ACBD6: variants seen among roughly 807,000 people sequenced by gnomAD.
The protein encoded by ACBD6 is acyl-CoA binding domain containing 6.
In ACBD6, 28 loss-of-function variants were observed where a neutral mutation model predicts 37.2. The observed-to-expected ratio is 0.75, with a 90% CI of 0.56 to 1.03. ACBD6 has a LOEUF of 1.03. Among genes scored for constraint, ACBD6 ranks in the 50% least tolerant of loss-of-function variants. The pLI is 0.00. For missense variants in ACBD6, 340 were observed against 337.4 expected (o/e 1.01, Z -0.06); for synonymous variants, 113 against 126.8 (o/e 0.89, Z 0.73).
At chr1:180,422,054 G>A (rs921407431) in intron 4 of ACBD6, among the ~76,000 whole-genome samples, 5 of 152,020 alleles carry the variant, frequency 3.3e-5, no homozygotes, top group African/African-American at 1.2e-4. Flanking sequence ...TCAAATCATA[G>A]TAGAGTCTCT....
In ACBD6 at chr1:180,466,632, G is replaced by A. The variant is rs556857219; in HGVS notation, c.384+25637C>T. Reference sequence around the variant, plus strand: ...ATTTGTTTTATTATTAAAACAATTGGGATAAACTTCATTAAAATTTACCTT... The same window carrying A: ...ATTTGTTTTATTATTAAAACAATTGAGATAAACTTCATTAAAATTTACCTT... On this transcript the variant is annotated intron_variant, in intron 3 of 7. Transcript: ENST00000367595. Among the ~76,000 whole-genome samples, 3 of 152,088 alleles carry A rather than the reference G, an allele frequency of 2.0e-5. No homozygotes were observed. In the East Asian group the frequency reaches 5.8e-4, roughly 29 times the overall value.
intron 7 of ACBD6, among the ~76,000 whole-genome samples, chr1:180,294,701 G>GT (rs557914420): frequency 0.048 from 6,871 of 142,972 alleles, 211 homozygotes; most frequent in Non-Finnish European, 0.062. Flanking sequence ...TTTGCCTTTT[G>GT]TTTTTTTTTT....
At position 180,492,284 on chromosome 1, in the gene ACBD6, T is replaced by C. The variant is rs982549969; in HGVS notation, c.369A>G (p.Pro123=). 6.2e-7 allele frequency: 1 copy of C among 1,613,914 alleles called. No individual in the cohort carries two copies. Among genetic ancestry groups the C allele is most frequent in the Admixed American group, 1.7e-5 (1 of 60,032 alleles). Reference sequence around the variant, plus strand: ...TAAGTCTTACCTGAGGATTCCAACCTGGATCTAGTTTTTTAACTACTGCGA... The same window carrying C: ...TAAGTCTTACCTGAGGATTCCAACCCGGATCTAGTTTTTTAACTACTGCGA... The part of the protein sequence containing the change: ...EYIAVVKKLD[P]GWNPQIPEKK... Residue 123 remains proline, a synonymous_variant, in exon 3 of 8, where the codon CCA becomes CCG. Coordinates refer to ENST00000367595, the MANE Select transcript of ACBD6 (RefSeq NM_032360.4).
At chr1:180,367,760 A>G (rs1156476137) in intron 6 of ACBD6, among the ~76,000 whole-genome samples, 1 of 152,090 alleles carries the variant, frequency 6.6e-6, no homozygotes, top group Non-Finnish European at 1.5e-5. Flanking sequence ...TGTGATGTAT[A>G]TGTACCACAT....
intron 6 of ACBD6, among the ~76,000 whole-genome samples, chr1:180,319,836 C>G (rs1164460178): frequency 6.6e-6 from 1 of 152,166 alleles, no homozygotes; most frequent in African/African-American, 2.4e-5. Context: ...GACAAGATCT[C>G]ATTCTTTTTA....
At chr1:180,458,090 C>T (rs1649993469) in intron 3 of ACBD6, among the ~76,000 whole-genome samples, 1 of 152,106 alleles carries the variant, frequency 6.6e-6, no homozygotes, top group African/African-American at 2.4e-5. Flanking sequence ...GCCACCATGC[C>T]CGGCCAAAAA....
rs554076801 is a variant in ACBD6, at chr1:180,451,167, G to C, written c.385-20905C>G. On this transcript the variant is annotated intron_variant, in intron 3 of 7. Coordinates refer to ENST00000367595, the MANE Select transcript of ACBD6 (RefSeq NM_032360.4). ...CATTAAAAGGTGGTCAATATCATCA[G>C]TCATCAGGGAAATGCAAATTGAAAT... Among the ~76,000 whole-genome samples the C allele has an allele frequency of 2.6e-5, 4 of 152,272 alleles. No individual in the cohort carries two copies. In the East Asian group the frequency reaches 7.7e-4, roughly 29 times the overall value.
chr1:180,398,210 A>G (rs1364222819), intron 5 of ACBD6, among the ~76,000 whole-genome samples: 1 of 152,212 alleles, frequency 6.6e-6, no homozygotes, highest in African/African-American at 2.4e-5. Flanking sequence ...AATAACAACA[A>G]TAATATAAAT....
At chr1:180,446,163 G>A (rs1236156135) in intron 3 of ACBD6, among the ~76,000 whole-genome samples, 2 of 150,392 alleles carry the variant, frequency 1.3e-5, no homozygotes, top group Non-Finnish European at 2.9e-5. Context: ...CCATCACGCC[G>A]GGATAATTTT....
At chr1:180,309,360 G>T (rs1250671921) in intron 7 of ACBD6, among the ~76,000 whole-genome samples, 1 of 152,110 alleles carries the variant, frequency 6.6e-6, no homozygotes, top group Non-Finnish European at 1.5e-5. Context: ...AAACTTAAAT[G>T]GACACATTCC....
intron 4 of ACBD6, among the ~76,000 whole-genome samples, chr1:180,428,678 G>A (rs1648695838): frequency 6.6e-6 from 1 of 152,058 alleles, no homozygotes. Flanking sequence ...ACATCATTTT[G>A]AAAAATACTA....
chr1:180,472,635 A>G (rs1371450888), intron 3 of ACBD6, among the ~76,000 whole-genome samples: 2 of 152,332 alleles, frequency 1.3e-5, no homozygotes, highest in East Asian at 3.9e-4. Context: ...GAACTGGATG[A>G]TTTCATGTTA....
intron 3 of ACBD6, among the ~76,000 whole-genome samples, chr1:180,448,945 C>T (rs1649586666): frequency 6.6e-6 from 1 of 152,124 alleles, no homozygotes; most frequent in Non-Finnish European, 1.5e-5. Context: ...CCTAGTTATT[C>T]TGTTAAGGAA....
At chr1:180,390,222 G>A (rs1396328885) in intron 6 of ACBD6, among the ~76,000 whole-genome samples, 2 of 151,780 alleles carry the variant, frequency 1.3e-5, no homozygotes, top group African/African-American at 2.4e-5. Context: ...TCTACATATG[G>A]CTAGCCAGTT....
chr1:180,399,614 T>C (rs1475160286), intron 5 of ACBD6, among the ~76,000 whole-genome samples: 1 of 152,194 alleles, frequency 6.6e-6, no homozygotes, highest in East Asian at 1.9e-4. Flanking sequence ...CAGGTGAAAA[T>C]GTATTGTTGA....
At chr1:180,359,059 A>C (rs1259653212) in intron 6 of ACBD6, among the ~76,000 whole-genome samples, 1 of 152,228 alleles carries the variant, frequency 6.6e-6, no homozygotes, top group Non-Finnish European at 1.5e-5. Context: ...CACAAAATAC[A>C]GGGCTCCAAG....
intron 7 of ACBD6, among the ~76,000 whole-genome samples, chr1:180,289,238 T>C (rs1571320219): frequency 1.3e-5 from 2 of 152,178 alleles, no homozygotes; most frequent in South Asian, 4.1e-4. Context: ...ATGACAAAGC[T>C]GGCAGATCAG....
At chr1:180,322,077 T>C (rs934361867) in intron 6 of ACBD6, among the ~76,000 whole-genome samples, 2 of 152,266 alleles carry the variant, frequency 1.3e-5, no homozygotes, top group Non-Finnish European at 2.9e-5. Flanking sequence ...TGAAGGAATA[T>C]TGAATTTTAT....
intron 6 of ACBD6, among the ~76,000 whole-genome samples, chr1:180,339,856 G>A (rs1651909434): frequency 6.6e-6 from 1 of 151,624 alleles, no homozygotes; most frequent in African/African-American, 2.4e-5. Context: ...AAATAAAGCA[G>A]GAAAGAAAGA....
Sources: allele counts gnomAD v4.1 joint callset (sites outside exome capture counted in the v4.1 genomes callset), GRCh38; gene constraint gnomAD v4.1.1; transcripts MANE v1.5; gene names NCBI Gene and HGNC (gene_info 2026-07-23, HGNC 2026-07-21).